The following LRP1B variants were observed in gnomAD, a reference collection of about 807,000 sequenced individuals.
LRP1B encodes LDL receptor related protein 1B.
LRP1B carries 217 observed loss-of-function variants against 556.6 expected under a neutral mutation model. That is an observed-to-expected ratio of 0.39 (90% CI 0.35 to 0.44). The LOEUF is 0.44. Among genes scored for constraint, LRP1B ranks in the 20% least tolerant of loss-of-function variants. LRP1B has a pLI of 1.00. For missense variants in LRP1B, 5,053 were observed against 5,620.8 expected (o/e 0.90, Z 3.23); for synonymous variants, 2,047 against 1,865.8 (o/e 1.10, Z -2.50).
intron 2 of LRP1B, among the ~76,000 whole-genome samples, chr2:141,592,189 T>C (rs2105296293): frequency 1.3e-5 from 2 of 152,164 alleles, no homozygotes; most frequent in East Asian, 3.9e-4. Context: ...CTGCATTTCA[T>C]TTGGAAATTT....
intron 68 of LRP1B, among the ~76,000 whole-genome samples, chr2:140,376,251 T>C (rs1235278052): frequency 6.6e-6 from 1 of 152,208 alleles, no homozygotes; most frequent in Non-Finnish European, 1.5e-5. Context: ...GTAATAAGGA[T>C]ATCTACTTTC....
At chr2:140,250,920 C>T (rs1267043916) in intron 86 of LRP1B, among the ~76,000 whole-genome samples, 4 of 151,722 alleles carry the variant, frequency 2.6e-5, no homozygotes, top group Middle Eastern at 3.4e-3. Context: ...CCAGCATGAT[C>T]GCTCAAAAGA....
chr2:140,990,869 T>C (rs1237511559), intron 16 of LRP1B, among the ~76,000 whole-genome samples: 1 of 152,146 alleles, frequency 6.6e-6, no homozygotes, highest in Non-Finnish European at 1.5e-5. Flanking sequence ...TAAAAACAAA[T>C]GTTTATATTT....
At chr2:141,000,971 T>G (rs889062437) in intron 15 of LRP1B, among the ~76,000 whole-genome samples, 1 of 152,032 alleles carries the variant, frequency 6.6e-6, no homozygotes, top group Admixed American at 6.6e-5. Context: ...TAATGGAGCA[T>G]AAGAATGAAA....
chr2:142,061,858 G>A (rs1435838104), intron 1 of LRP1B, among the ~76,000 whole-genome samples: 2 of 151,842 alleles, frequency 1.3e-5, no homozygotes, highest in Non-Finnish European at 2.9e-5. Context: ...GGAAATTTTA[G>A]GTTAATAAAT....
chr2:140,415,863 G>A (rs896690325), intron 66 of LRP1B, among the ~76,000 whole-genome samples: 1 of 152,178 alleles, frequency 6.6e-6, no homozygotes, highest in Non-Finnish European at 1.5e-5. Context: ...GATGATAGTT[G>A]GTCTTGGTCC....
intron 41 of LRP1B, among the ~76,000 whole-genome samples, chr2:140,624,922 C>G (rs1379253875): frequency 1.3e-5 from 2 of 152,026 alleles, no homozygotes; most frequent in African/African-American, 4.8e-5. Flanking sequence ...ACATTCTAGG[C>G]AGAAGAAACA....
At chr2:140,946,122 A>G (rs1177170841) in intron 20 of LRP1B, among the ~76,000 whole-genome samples, 1 of 152,208 alleles carries the variant, frequency 6.6e-6, no homozygotes, top group Non-Finnish European at 1.5e-5. Context: ...ACTAATAATC[A>G]GAGAAATGCA....
chr2:142,101,938 T>C (rs1706580738), intron 1 of LRP1B, among the ~76,000 whole-genome samples: 1 of 151,958 alleles, frequency 6.6e-6, no homozygotes, highest in Non-Finnish European at 1.5e-5. Context: ...GGCTCTGAGA[T>C]AGTATGGAGA....
intron 1 of LRP1B, among the ~76,000 whole-genome samples, chr2:141,953,072 G>A (rs1354365334): frequency 6.6e-6 from 1 of 151,998 alleles, no homozygotes; most frequent in African/African-American, 2.4e-5. Flanking sequence ...CTTTTGGTGG[G>A]TATTATCTTT....
At chr2:140,250,924 C>G (rs1649704799) in intron 86 of LRP1B, among the ~76,000 whole-genome samples, 1 of 151,816 alleles carries the variant, frequency 6.6e-6, no homozygotes, top group Non-Finnish European at 1.5e-5. Context: ...CATGATCGCT[C>G]AAAAGATAAA....
At position 141,899,946 on chromosome 2, in the gene LRP1B, C is replaced by T. The variant is rs551876534; in HGVS notation, c.83-89545G>A. On this transcript the variant is annotated intron_variant, in intron 1 of 90. Transcript: ENST00000389484. ...CTGTACTGACTGTGCACTCAAATGT[C>T]TTACTGAGCTGAGAGGTACAAAGTG... 3.9e-5 allele frequency among the ~76,000 whole-genome samples: 6 copies of T among 152,064 alleles called. No individual in the cohort carries two copies. The South Asian group carries it at 8.3e-4, about 21-fold the overall frequency.
intron 41 of LRP1B, among the ~76,000 whole-genome samples, chr2:140,668,473 A>T (rs1176040616): frequency 2.0e-5 from 3 of 151,882 alleles, no homozygotes; most frequent in African/African-American, 7.3e-5. Context: ...TACTGTAGGC[A>T]TGTTTTTGTA....
chr2:140,408,087 CA>C (rs1356759647), intron 66 of LRP1B, among the ~76,000 whole-genome samples: 3 of 151,914 alleles, frequency 2.0e-5, no homozygotes, highest in Admixed American at 1.3e-4. Context: ...AATGGAAAAT[CA>C]AATACAATAT....
intron 18 of LRP1B, among the ~76,000 whole-genome samples, chr2:140,954,234 T>G (rs1004241799): frequency 6.6e-6 from 1 of 152,260 alleles, no homozygotes; most frequent in African/African-American, 2.4e-5. Flanking sequence ...TGTCCTTAGA[T>G]AGATAATAAC....
intron 2 of LRP1B, among the ~76,000 whole-genome samples, chr2:141,499,673 T>C (rs1683641935): frequency 6.6e-6 from 1 of 151,976 alleles, no homozygotes; most frequent in Non-Finnish European, 1.5e-5. Flanking sequence ...ATTGAAAACA[T>C]AGTTAATATA....
chr2:140,563,777 C>A (rs1283048297), intron 43 of LRP1B, among the ~76,000 whole-genome samples: 1 of 152,164 alleles, frequency 6.6e-6, no homozygotes, highest in Non-Finnish European at 1.5e-5. Flanking sequence ...ATTGTGACCA[C>A]TTATTATATC....
chr2:142,117,910 C>A (rs1439902629), intron 1 of LRP1B, among the ~76,000 whole-genome samples: 3 of 152,104 alleles, frequency 2.0e-5, no homozygotes, highest in Non-Finnish European at 4.4e-5. Context: ...TGCCCTATAT[C>A]TTGACTTTTA....
chr2:141,914,982 T>C (rs931235374), intron 1 of LRP1B, among the ~76,000 whole-genome samples: 4 of 152,152 alleles, frequency 2.6e-5, no homozygotes, highest in African/African-American at 4.8e-5. Flanking sequence ...TCATTTTTCA[T>C]AGAATTAGAT....
Sources: gnomAD v4.1 joint callset for allele counts (sites outside exome capture counted in the v4.1 genomes callset) on GRCh38, gnomAD v4.1.1 for gene constraint, MANE v1.5 for transcripts, NCBI Gene and HGNC (gene_info 2026-07-23, HGNC 2026-07-21) for gene names.